Variants in PKNOX2 observed in about 807,000 individuals in gnomAD.
The protein encoded by PKNOX2 is homeobox protein PKNOX2.
Under a neutral mutation model 53.1 loss-of-function variants are expected in PKNOX2, and 14 were observed. That is an observed-to-expected ratio of 0.26 (90% CI 0.17 to 0.41). PKNOX2 has a LOEUF of 0.41. PKNOX2 is among the 10% of genes least tolerant of loss of function. PKNOX2 has a pLI of 1.00. For synonymous variants in PKNOX2, 257 were observed against 242.8 expected (o/e 1.06, Z -0.54); for missense variants, 496 against 602.8 (o/e 0.82, Z 1.85).
At chr11:125,426,994 G>T (rs1027960521) in intron 10 of PKNOX2, among the ~76,000 whole-genome samples, 1 of 152,212 alleles carries the variant, frequency 6.6e-6, no homozygotes, top group Non-Finnish European at 1.5e-5. Context: ...GGGCCAGCAC[G>T]TGCGAAGGCA....
At chr11:125,400,180 G>A (rs1388992155) in intron 7 of PKNOX2, among the ~76,000 whole-genome samples, 1 of 152,166 alleles carries the variant, frequency 6.6e-6, no homozygotes. Context: ...GGGAGGGGGT[G>A]ATGCAAGCGA....
rs71042481 is a variant in PKNOX2, at chr11:125,222,587, GTGTGTGTGTGTGTGTGTC to G, written c.-200-12450_-200-12433del. Among the ~76,000 whole-genome samples the G allele has an allele frequency of 1.8e-3, 260 of 146,002 alleles. 1 individual carries two copies. Among genetic ancestry groups the G allele is most frequent in the Middle Eastern group, 3.5e-3 (1 of 286 alleles). On this transcript the variant is annotated intron_variant, in intron 1 of 12. Transcript: ENST00000298282. ...ACCTAATGTGTAATAGGTGCTCCTG[GTGTGTGTGTGTGTGTGTC>G]TGTGTGTATGTGTGTGTATGTGTGT...
At chr11:125,250,867 C>G (rs1943939107) in intron 2 of PKNOX2, among the ~76,000 whole-genome samples, 1 of 152,260 alleles carries the variant, frequency 6.6e-6, no homozygotes, top group Non-Finnish European at 1.5e-5. Flanking sequence ...CCCACAGCTG[C>G]ACAACTGGAG....
At chr11:125,287,903 C>T (rs1227393282) in intron 2 of PKNOX2, 1 of 152,216 alleles carries the variant, frequency 6.6e-6, no homozygotes, top group Non-Finnish European at 1.5e-5. Flanking sequence ...CCACACAGAG[C>T]CCTGCAGCCT....
intron 1 of PKNOX2, among the ~76,000 whole-genome samples, chr11:125,203,240 C>T (rs561199703): frequency 6.6e-6 from 1 of 152,284 alleles, no homozygotes; most frequent in South Asian, 2.1e-4. Flanking sequence ...GCCTCAGACT[C>T]GCGAGTAGCT....
chr11:125,262,257 G>A (rs537230952), intron 2 of PKNOX2, among the ~76,000 whole-genome samples: 23 of 152,220 alleles, frequency 1.5e-4, no homozygotes, highest in Admixed American at 2.6e-4. Context: ...TCTCCCCTTG[G>A]GCCGGAAGGA....
chr11:125,212,047 C>T (rs1242185813), intron 1 of PKNOX2, among the ~76,000 whole-genome samples: 1 of 152,136 alleles, frequency 6.6e-6, no homozygotes, highest in Non-Finnish European at 1.5e-5. Context: ...CTTCTCTGTT[C>T]TACCTGTAAG....
chr11:125,265,630 A>C (rs1364695467), intron 2 of PKNOX2, among the ~76,000 whole-genome samples: 4 of 152,174 alleles, frequency 2.6e-5, no homozygotes, highest in Non-Finnish European at 5.9e-5. Context: ...GAGCCTGAAC[A>C]GAGGCAGGGG....
chr11:125,220,972 A>G lies in PKNOX2; in HGVS notation c.-200-14073A>G, dbSNP rs115644584. Reference sequence around the variant, plus strand: ...GGGCGAATCACAGCCTGGCCCACATAGTGAAACCCCGACTCTACTAGAAAT... The same window carrying G: ...GGGCGAATCACAGCCTGGCCCACATGGTGAAACCCCGACTCTACTAGAAAT... On this transcript the variant is annotated intron_variant, in intron 1 of 12. Coordinates refer to ENST00000298282, the MANE Select transcript of PKNOX2 (RefSeq NM_001382323.2). 9.3e-3 allele frequency among the ~76,000 whole-genome samples: 1,422 copies of G among 152,184 alleles called. 29 individuals carry two copies. Among genetic ancestry groups the G allele is most frequent in the African/African-American group, 0.033 (1,350 of 41,520 alleles).
intron 1 of PKNOX2, among the ~76,000 whole-genome samples, chr11:125,222,683 CGTATGTGTGT>C (rs993202482): frequency 1.3e-4 from 14 of 106,210 alleles, no homozygotes; most frequent in Admixed American, 9.8e-5. Flanking sequence ...TATGTGTGTG[CGTATGTGTGT>C]GTATGTGTGT....
rs981452721 is a variant in PKNOX2, at chr11:125,303,642, C to G, written c.-129-28177C>G. On this transcript the variant is annotated intron_variant, in intron 2 of 12. Coordinates refer to ENST00000298282, the MANE Select transcript of PKNOX2 (RefSeq NM_001382323.2). ...CCCTCCTCCTTATCAGGAAACCCAC[C>G]CTTCAACATTTCTCTTTCCACTTTT... 8.5e-5 allele frequency among the ~76,000 whole-genome samples: 13 copies of G among 152,296 alleles called. No homozygotes were observed. In the East Asian group the frequency reaches 2.5e-3, roughly 29 times the overall value.
chr11:125,390,724 G>T lies in PKNOX2; in HGVS notation c.399+5002G>T, dbSNP rs574998616. On this transcript the variant is annotated intron_variant, in intron 6 of 12. Coordinates refer to ENST00000298282, the MANE Select transcript of PKNOX2 (RefSeq NM_001382323.2). ...TACATAGCTGGGATTTGAACCAAGT[G>T]GCTCTAACTCCTGAAGCCCACCCTC... 5.3e-5 allele frequency among the ~76,000 whole-genome samples: 8 copies of T among 152,276 alleles called. No individual in the cohort carries two copies. In the East Asian group the frequency reaches 1.5e-3, roughly 29 times the overall value.
intron 10 of PKNOX2, 21 bp from the exon 11 acceptor site, chr11:125,428,991 A>G (rs996519469): frequency 6.2e-7 from 1 of 1,602,438 alleles, no homozygotes; most frequent in Non-Finnish European, 8.6e-7. Flanking sequence ...AGCCCTCACT[A>G]GTCTCCACCT....
chr11:125,392,880 C>G (rs374381000), intron 6 of PKNOX2, among the ~76,000 whole-genome samples: 1 of 151,900 alleles, frequency 6.6e-6, no homozygotes, highest in African/African-American at 2.4e-5. Flanking sequence ...AAAGTTTGGC[C>G]GGGCGCGGTG....
intron 2 of PKNOX2, among the ~76,000 whole-genome samples, chr11:125,289,974 TC>T (rs1221476198): frequency 6.6e-6 from 1 of 151,958 alleles, no homozygotes; most frequent in East Asian, 1.9e-4. Flanking sequence ...TTCTATTTCA[TC>T]TAAAAAAAAT....
intron 5 of PKNOX2, among the ~76,000 whole-genome samples, chr11:125,383,871 T>C (rs1953427062): frequency 6.6e-6 from 1 of 152,028 alleles, no homozygotes; most frequent in Non-Finnish European, 1.5e-5. Flanking sequence ...AGCAGAAGCA[T>C]GGGGGCCAGG....
intron 5 of PKNOX2, among the ~76,000 whole-genome samples, chr11:125,376,181 C>T (rs1199812638): frequency 1.3e-5 from 2 of 152,206 alleles, no homozygotes; most frequent in Non-Finnish European, 2.9e-5. Flanking sequence ...TGGACCTGTC[C>T]ACCCACCTGG....
intron 4 of PKNOX2, among the ~76,000 whole-genome samples, chr11:125,363,018 T>G (rs1952005426): frequency 6.6e-6 from 1 of 152,226 alleles, no homozygotes; most frequent in South Asian, 2.1e-4. Context: ...GCTGCGAGCT[T>G]AAGGCAGAAC....
chr11:125,167,464 G>A (rs1199962785), intron 1 of PKNOX2, among the ~76,000 whole-genome samples: 2 of 152,168 alleles, frequency 1.3e-5, no homozygotes, highest in African/African-American at 4.8e-5. Flanking sequence ...AGGGGGGAGG[G>A]AGCCGTGACC....
Sources: allele counts gnomAD v4.1 joint callset (sites outside exome capture counted in the v4.1 genomes callset), GRCh38; gene constraint gnomAD v4.1.1; transcripts MANE v1.5; gene names NCBI Gene and HGNC (gene_info 2026-07-23, HGNC 2026-07-21).